Variants in EHMT1 observed in about 807,000 individuals in gnomAD.
EHMT1 encodes histone-lysine N-methyltransferase EHMT1.
A neutral mutation model predicts 147.2 loss-of-function variants in EHMT1; 15 were observed. The ratio of observed to expected loss-of-function variants is 0.10; its 90% CI spans 0.07 to 0.16. The LOEUF is 0.16. EHMT1 is among the 10% of genes least tolerant of loss of function. The probability of loss-of-function intolerance (pLI) is 1.00; values close to 1 mark genes in which losing one functional copy is unlikely to be tolerated. For synonymous variants in EHMT1, 795 were observed against 709.6 expected (o/e 1.12, Z -1.91); for missense variants, 1,587 against 1,772.4 (o/e 0.90, Z 1.88).
chr9:137,751,435 C>T (rs1948959380), intron 6 of EHMT1, among the ~76,000 whole-genome samples: 1 of 152,178 alleles, frequency 6.6e-6, no homozygotes, highest in South Asian at 2.1e-4. Flanking sequence ...GGATTACAAG[C>T]GTGAGCCATC....
intron 1 of EHMT1, among the ~76,000 whole-genome samples, chr9:137,653,500 C>T (rs781571611): frequency 6.6e-5 from 10 of 151,992 alleles, no homozygotes; most frequent in Non-Finnish European, 1.3e-4. Context: ...GCTTGGCACA[C>T]GGGAAGACTA....
intron 1 of EHMT1, among the ~76,000 whole-genome samples, chr9:137,638,973 C>G (rs970750256): frequency 6.6e-6 from 1 of 152,176 alleles, no homozygotes; most frequent in African/African-American, 2.4e-5. Context: ...TTCAGAACTT[C>G]GAGACCATAC....
At chr9:137,710,140 A>G (rs1252512446) in intron 1 of EHMT1, among the ~76,000 whole-genome samples, 1 of 151,602 alleles carries the variant, frequency 6.6e-6, no homozygotes, top group Non-Finnish European at 1.5e-5. Flanking sequence ...AGCTTCTTGA[A>G]GGCAAGGATT....
chr9:137,830,667 G>A (rs781211135), intron 25 of EHMT1, among the ~76,000 whole-genome samples: 4 of 152,234 alleles, frequency 2.6e-5, no homozygotes, highest in Non-Finnish European at 5.9e-5. Flanking sequence ...ATGTCCCATG[G>A]AAGCTGGGCC....
intron 10 of EHMT1, chr9:137,763,642 C>T (rs539790679): frequency 1.3e-5 from 2 of 154,286 alleles, no homozygotes; most frequent in East Asian, 3.8e-4. Context: ...TGCGTCTTAG[C>T]TGCACATTGT....
At chr9:137,720,200 A>G (rs1945806662) in intron 3 of EHMT1, among the ~76,000 whole-genome samples, 1 of 150,368 alleles carries the variant, frequency 6.7e-6, no homozygotes. Flanking sequence ...CAGTCGAGAT[A>G]TGGAACCCCC....
At chr9:137,664,354 T>C (rs537380405) in intron 1 of EHMT1, among the ~76,000 whole-genome samples, 2 of 151,658 alleles carry the variant, frequency 1.3e-5, no homozygotes, top group African/African-American at 4.8e-5. Flanking sequence ...TGCAGTGGTG[T>C]GATCTCTGCT....
chr9:137,669,266 C>T lies in EHMT1; in HGVS notation c.22-41701C>T, dbSNP rs535788837. On this transcript the variant is annotated intron_variant, in intron 1 of 26. Coordinates refer to ENST00000460843, the MANE Select transcript of EHMT1 (RefSeq NM_024757.5). ...CACCCTTCTCGCCCAGTGCTTACTG[C>T]TTGCTGGGTGCTGGTCTCCTGCTTA... Among the ~76,000 whole-genome samples, 221 of 151,670 alleles carry T rather than the reference C, an allele frequency of 1.5e-3. 1 individual carries two copies. Among genetic ancestry groups the T allele is most frequent in the African/African-American group, 5.2e-3 (216 of 41,302 alleles).
At chr9:137,667,744 G>A (rs1440680881) in intron 1 of EHMT1, among the ~76,000 whole-genome samples, 1 of 152,186 alleles carries the variant, frequency 6.6e-6, no homozygotes, top group African/African-American at 2.4e-5. Context: ...AAAGGAAATT[G>A]TCTACAGTGA....
At chr9:137,721,159 C>G (rs1003335558) in intron 3 of EHMT1, among the ~76,000 whole-genome samples, 10 of 151,572 alleles carry the variant, frequency 6.6e-5, no homozygotes, top group Admixed American at 3.3e-4. Flanking sequence ...TCACCCCTCC[C>G]AGACTTCTCA....
chr9:137,816,607 G>A (rs1298665051), intron 23 of EHMT1: 1 of 174,966 alleles, frequency 5.7e-6, no homozygotes, highest in East Asian at 1.4e-4. Context: ...CCTTTCCCTG[G>A]ATTCTGGTCT....
chr9:137,753,302 G>A (rs571899155), intron 7 of EHMT1, among the ~76,000 whole-genome samples: 2 of 152,208 alleles, frequency 1.3e-5, no homozygotes, highest in Non-Finnish European at 2.9e-5. Flanking sequence ...CACGGGGGCC[G>A]TGGTGTTCGG....
intron 16 of EHMT1, among the ~76,000 whole-genome samples, chr9:137,797,875 G>A (rs1384363993): frequency 2.0e-5 from 3 of 152,068 alleles, no homozygotes; most frequent in Admixed American, 6.5e-5. Flanking sequence ...GTGCGTCTGC[G>A]GGCCTGTGTG....
chr9:137,654,256 C>G (rs1166544416), intron 1 of EHMT1, among the ~76,000 whole-genome samples: 2 of 151,974 alleles, frequency 1.3e-5, no homozygotes, highest in East Asian at 1.9e-4. Context: ...CCCAGCTGTT[C>G]AAGAGGCTGA....
At chr9:137,827,462 C>G (rs113024038) in intron 25 of EHMT1, among the ~76,000 whole-genome samples, 1 of 152,204 alleles carries the variant, frequency 6.6e-6, no homozygotes. Context: ...GACCCCAGAC[C>G]CCTGTCCACC....
At chr9:137,706,986 G>T (rs746115498) in intron 1 of EHMT1, among the ~76,000 whole-genome samples, 3 of 146,910 alleles carry the variant, frequency 2.0e-5, no homozygotes, top group Non-Finnish European at 4.5e-5. Context: ...CACCACTCCC[G>T]GCTAATTTTT....
chr9:137,770,080 G>A (rs993989734), intron 10 of EHMT1, among the ~76,000 whole-genome samples: 5 of 152,000 alleles, frequency 3.3e-5, no homozygotes, highest in African/African-American at 7.2e-5. Flanking sequence ...CAGGTGATCC[G>A]CCCGCCTCGG....
intron 1 of EHMT1, among the ~76,000 whole-genome samples, chr9:137,642,727 C>A (rs1844582378): frequency 6.6e-6 from 1 of 152,226 alleles, no homozygotes; most frequent in African/African-American, 2.4e-5. Context: ...GTGTGCCCAT[C>A]TACGCAGATT....
intron 2 of EHMT1, among the ~76,000 whole-genome samples, chr9:137,713,929 GAC>G (rs1944970134): frequency 6.6e-6 from 1 of 152,064 alleles, no homozygotes; most frequent in Non-Finnish European, 1.5e-5. Context: ...CAGCCTGGGT[GAC>G]ACAGCGAGAC....
Sources: allele counts gnomAD v4.1 joint callset (sites outside exome capture counted in the v4.1 genomes callset), GRCh38; gene constraint gnomAD v4.1.1; transcripts MANE v1.5; gene names NCBI Gene and HGNC (gene_info 2026-07-23, HGNC 2026-07-21).